SRPK2: variants seen among roughly 807,000 people sequenced by gnomAD.
The protein encoded by SRPK2 is SFRS protein kinase 2.
A neutral mutation model predicts 90.8 loss-of-function variants in SRPK2; 21 were observed. The observed-to-expected ratio is 0.23, with a 90% CI of 0.16 to 0.33. The LOEUF (loss-of-function observed/expected upper bound fraction) is 0.33. Ranked by LOEUF, SRPK2 falls within the 10% of genes least tolerant of loss-of-function variation. SRPK2 has a pLI of 1.00. For synonymous variants in SRPK2, 288 were observed against 311.1 expected (o/e 0.93, Z 0.78); for missense variants, 620 against 869.0 (o/e 0.71, Z 3.60).
chr7:105,162,732 T>C (rs1045906797), intron 6 of SRPK2, among the ~76,000 whole-genome samples: 1 of 152,248 alleles, frequency 6.6e-6, no homozygotes, highest in East Asian at 1.9e-4. Flanking sequence ...GCAGCAGGCA[T>C]AGGGCGAGGC....
At chr7:105,128,056 G>C (rs1801457644) in intron 13 of SRPK2, among the ~76,000 whole-genome samples, 1 of 152,102 alleles carries the variant, frequency 6.6e-6, no homozygotes, top group Non-Finnish European at 1.5e-5. Context: ...GTGCTGGAAA[G>C]GCACCTTTAA....
At chr7:105,309,776 A>C (rs1315145702) in intron 2 of SRPK2, among the ~76,000 whole-genome samples, 2 of 152,144 alleles carry the variant, frequency 1.3e-5, no homozygotes, top group Non-Finnish European at 2.9e-5. Flanking sequence ...GCCCACATCC[A>C]CCAGTTTGCC....
At chr7:105,281,443 A>T (rs920699470) in intron 2 of SRPK2, among the ~76,000 whole-genome samples, 1 of 152,108 alleles carries the variant, frequency 6.6e-6, no homozygotes, top group Admixed American at 6.6e-5. Flanking sequence ...CACCAACCTA[A>T]TAATTTCCAT....
At chr7:105,246,243 C>A (rs1452572082) in intron 2 of SRPK2, among the ~76,000 whole-genome samples, 8 of 152,170 alleles carry the variant, frequency 5.3e-5, no homozygotes, top group African/African-American at 1.9e-4. Flanking sequence ...GACCCCAGAG[C>A]CCCTAAGGAC....
chr7:105,238,006 C>T (rs1800341634), intron 2 of SRPK2, among the ~76,000 whole-genome samples: 1 of 152,092 alleles, frequency 6.6e-6, no homozygotes, highest in Non-Finnish European at 1.5e-5. Context: ...GAGTTAAAGG[C>T]AAGGCATATA....
At chr7:105,398,229 G>T (rs1822382630) in intron 1 of SRPK2, among the ~76,000 whole-genome samples, 1 of 152,074 alleles carries the variant, frequency 6.6e-6, no homozygotes, top group African/African-American at 2.4e-5. Context: ...TGAAAAGAAT[G>T]TTGTAAAACC....
intron 13 of SRPK2, among the ~76,000 whole-genome samples, chr7:105,132,412 C>G (rs1306500063): frequency 6.6e-6 from 1 of 152,210 alleles, no homozygotes; most frequent in African/African-American, 2.4e-5. Context: ...CCTGGAGATG[C>G]TACCTCATCT....
At chr7:105,285,075 G>A (rs1178526192) in intron 2 of SRPK2, among the ~76,000 whole-genome samples, 1 of 152,062 alleles carries the variant, frequency 6.6e-6, no homozygotes, top group African/African-American at 2.4e-5. Context: ...CTGAGTTGCT[G>A]GTTTCCAATC....
chr7:105,277,404 C>T (rs1182294288), intron 2 of SRPK2, among the ~76,000 whole-genome samples: 2 of 152,180 alleles, frequency 1.3e-5, no homozygotes, highest in Non-Finnish European at 2.9e-5. Flanking sequence ...AGACTTCTCG[C>T]TGAAATGCAA....
At chr7:105,363,656 G>GGGTATAT in intron 2 of SRPK2, among the ~76,000 whole-genome samples, 1 of 152,266 alleles carries the variant, frequency 6.6e-6, no homozygotes, top group East Asian at 1.9e-4. Flanking sequence ...AATACCATTT[G>GGGTATAT]ACCCAGCCAT....
chr7:105,342,836 A>C (rs773859356), intron 2 of SRPK2, among the ~76,000 whole-genome samples: 2 of 152,198 alleles, frequency 1.3e-5, no homozygotes, highest in Non-Finnish European at 2.9e-5. Context: ...AGAGGAAAGG[A>C]GGGACAATAA....
At chr7:105,358,079 T>A (rs1056844735) in intron 2 of SRPK2, among the ~76,000 whole-genome samples, 7 of 151,342 alleles carry the variant, frequency 4.6e-5, no homozygotes, top group African/African-American at 1.7e-4. Context: ...CAAAAATTAG[T>A]TGGGCGTGCT....
chr7:105,144,795 C>T (rs1269261848), intron 9 of SRPK2, among the ~76,000 whole-genome samples: 1 of 152,164 alleles, frequency 6.6e-6, no homozygotes, highest in East Asian at 1.9e-4. Context: ...TATCCCAACT[C>T]TGCACAGATC....
Position 105,159,457 on chromosome 7 carries a change from A to AC in SRPK2, c.621+1049_621+1050insG, listed in dbSNP as rs1807129213. ...AGCGAGACTCCGTCTCCAAAAAAAA[A>AC]AAAAAAAAAAAAAAAACCGTACAAA... On this transcript the variant is annotated intron_variant, in intron 7 of 15. Transcript: ENST00000393651. Among the ~76,000 whole-genome samples the AC allele has an allele frequency of 1.4e-5, 2 of 146,406 alleles. 1 individual carries two copies. The highest frequency in any genetic ancestry group is 3.0e-5 in the Non-Finnish European group (2 of 66,544).
intron 2 of SRPK2, chr7:105,269,012 A>G (rs1185461895): frequency 7.3e-7 from 1 of 1,362,238 alleles, no homozygotes; most frequent in Non-Finnish European, 9.6e-7. Flanking sequence ...CTGGGATTCA[A>G]TGGTGCTATA....
chr7:105,133,135 G>C (rs746267537), intron 11 of SRPK2, 31 bp from the exon 12 acceptor site: 1 of 1,603,910 alleles, frequency 6.2e-7, no homozygotes, highest in South Asian at 1.1e-5. Flanking sequence ...GACAGTTAGT[G>C]ATCGGGATAG....
chr7:105,396,058 G>A (rs1330014994), intron 1 of SRPK2, among the ~76,000 whole-genome samples: 3 of 152,016 alleles, frequency 2.0e-5, no homozygotes, highest in African/African-American at 7.2e-5. Flanking sequence ...TGGGATTACA[G>A]GCATGCGCCA....
At chr7:105,283,743 A>G (rs1807653827) in intron 2 of SRPK2, among the ~76,000 whole-genome samples, 1 of 152,154 alleles carries the variant, frequency 6.6e-6, no homozygotes, top group Admixed American at 6.5e-5. Flanking sequence ...GTACACTTTA[A>G]AATGATTAAA....
intron 2 of SRPK2, among the ~76,000 whole-genome samples, chr7:105,318,024 TG>T (rs1812500191): frequency 6.6e-6 from 1 of 152,218 alleles, no homozygotes; most frequent in African/African-American, 2.4e-5. Context: ...CATAAAGTGC[TG>T]GGATTACGGG....
Sources: gnomAD v4.1 joint callset for allele counts (sites outside exome capture counted in the v4.1 genomes callset) on GRCh38, gnomAD v4.1.1 for gene constraint, MANE v1.5 for transcripts, NCBI Gene and HGNC (gene_info 2026-07-23, HGNC 2026-07-21) for gene names.